KCNK2: variants seen among roughly 807,000 people sequenced by gnomAD.
The protein encoded by KCNK2 is potassium channel subfamily K member 2.
In KCNK2, 21 loss-of-function variants were observed where a neutral mutation model predicts 40.5. That is an observed-to-expected ratio of 0.52 (90% confidence interval 0.37 to 0.75). The LOEUF (loss-of-function observed/expected upper bound fraction) is 0.75, where lower values mean the gene tolerates loss of function less well. KCNK2 is among the 30% of genes least tolerant of loss of function. The pLI, the probability that KCNK2 is intolerant of heterozygous loss-of-function variation, is 0.00. For synonymous variants in KCNK2, 191 were observed against 202.2 expected (o/e 0.94, Z 0.47); for missense variants, 399 against 531.6 (o/e 0.75, Z 2.45).
In KCNK2 at chr1:215,176,501, G is replaced by A. The variant is rs148614025; in HGVS notation, c.823+4318G>A. Among the ~76,000 whole-genome samples the A allele has an allele frequency of 2.5e-3, 378 of 151,922 alleles. 2 individuals carry two copies. Among genetic ancestry groups the A allele is most frequent in the African/African-American group, 8.9e-3 (368 of 41,482 alleles). ...CCTGTTGCTTTCCCACCCCTGCACC[G>A]CTGACAGACCCCAGTGTGTGTTGTT... On this transcript the variant is annotated intron_variant, in intron 5 of 6. Transcript: ENST00000444842.
chr1:215,091,861 C>CGAGGGGA (rs1659706125), intron 2 of KCNK2, among the ~76,000 whole-genome samples: 1 of 151,986 alleles, frequency 6.6e-6, no homozygotes, highest in African/African-American at 2.4e-5. Context: ...AGGTTCTCAC[C>CGAGGGGA]GAGGGGAGAG....
At chr1:215,228,504 A>T (rs897667804) in intron 6 of KCNK2, among the ~76,000 whole-genome samples, 3 of 152,162 alleles carry the variant, frequency 2.0e-5, no homozygotes, top group African/African-American at 7.2e-5. Flanking sequence ...TGTGAAAGTT[A>T]AGAATACATG....
At chr1:215,151,984 A>C (rs1047788420) in intron 3 of KCNK2, among the ~76,000 whole-genome samples, 2 of 152,044 alleles carry the variant, frequency 1.3e-5, no homozygotes, top group Admixed American at 1.3e-4. Context: ...TAAGCATTTG[A>C]TTTATTCATG....
intron 1 of KCNK2, among the ~76,000 whole-genome samples, chr1:215,026,242 A>T (rs748397996): frequency 6.6e-6 from 1 of 152,002 alleles, no homozygotes; most frequent in Admixed American, 6.6e-5. Flanking sequence ...ATATAATTGT[A>T]GCTTTTAAAC....
At chr1:215,013,505 T>A (rs996798150) in intron 1 of KCNK2, among the ~76,000 whole-genome samples, 18 of 152,202 alleles carry the variant, frequency 1.2e-4, no homozygotes, top group African/African-American at 4.1e-4. Flanking sequence ...AATCTGTAGA[T>A]AAATTTGGAA....
At chr1:215,086,823 C>G (rs185650708) in intron 2 of KCNK2, 145 bp downstream of exon 2, 20 of 675,520 alleles carry the variant, frequency 3.0e-5, no homozygotes, top group Admixed American at 2.1e-4. Context: ...AGCTCTTTTC[C>G]CCAGTTTCTT....
chr1:215,115,955 G>GTT (rs35626781), intron 2 of KCNK2, among the ~76,000 whole-genome samples: 5 of 134,070 alleles, frequency 3.7e-5, no homozygotes, highest in African/African-American at 8.3e-5. Context: ...TCTTCATCAT[G>GTT]TTTTTTTTTT....
chr1:215,177,740 A>ATATTTT (rs71167812), intron 5 of KCNK2, among the ~76,000 whole-genome samples: 177 of 101,576 alleles, frequency 1.7e-3, no homozygotes, highest in East Asian at 6.0e-3. Context: ...ATATATATAT[A>ATATTTT]TTTTTTTTTT....
At chr1:215,088,602 G>A (rs569275823) in intron 2 of KCNK2, among the ~76,000 whole-genome samples, 13 of 151,300 alleles carry the variant, frequency 8.6e-5, no homozygotes, top group South Asian at 4.2e-4. Context: ...CATGACCAGC[G>A]TTTCAGGACA....
chr1:215,230,484 C>A (rs868185546), intron 6 of KCNK2, among the ~76,000 whole-genome samples: 2 of 128,954 alleles, frequency 1.6e-5, no homozygotes, highest in Non-Finnish European at 3.2e-5. Flanking sequence ...TATATACACA[C>A]ACACACACAC....
At chr1:215,211,309 G>A (rs1294340382) in intron 6 of KCNK2, among the ~76,000 whole-genome samples, 1 of 152,000 alleles carries the variant, frequency 6.6e-6, no homozygotes, top group Admixed American at 6.6e-5. Context: ...TGCACTGACT[G>A]TTCCCTCTGT....
intron 6 of KCNK2, among the ~76,000 whole-genome samples, chr1:215,234,448 TC>T (rs892400917): frequency 7.9e-5 from 12 of 152,164 alleles, no homozygotes; most frequent in African/African-American, 2.9e-4. Flanking sequence ...CTTTGTACAT[TC>T]CAATACTTCT....
chr1:215,129,052 G>T (rs914969705), intron 3 of KCNK2, among the ~76,000 whole-genome samples: 19 of 152,192 alleles, frequency 1.2e-4, no homozygotes, highest in African/African-American at 3.6e-4. Context: ...TGACTGGGAT[G>T]ATTGGAGTTG....
At chr1:215,032,136 A>G (rs11120470) in intron 1 of KCNK2, among the ~76,000 whole-genome samples, 1 of 149,120 alleles carries the variant, frequency 6.7e-6, no homozygotes, top group Non-Finnish European at 1.5e-5. Context: ...GGGCAGGGAC[A>G]GTGGTTCATA....
chr1:215,214,967 TTCTC>T (rs1415995831), intron 6 of KCNK2, among the ~76,000 whole-genome samples: 1 of 152,216 alleles, frequency 6.6e-6, no homozygotes, highest in Non-Finnish European at 1.5e-5. Context: ...TGCTTTCTCT[TTCTC>T]TGGCAGTTTT....
chr1:215,150,800 T>C (rs2102612540), intron 3 of KCNK2, among the ~76,000 whole-genome samples: 1 of 152,122 alleles, frequency 6.6e-6, no homozygotes, highest in South Asian at 2.1e-4. Flanking sequence ...AGGTATTTAA[T>C]TCCACGCACA....
chr1:215,044,702 C>A (rs12069674), intron 1 of KCNK2, among the ~76,000 whole-genome samples: 2,034 of 151,860 alleles, frequency 0.013, 45 homozygotes, highest in African/African-American at 0.046. Context: ...CAAATTGATA[C>A]CATTTTATGG....
chr1:215,140,967 T>C (rs2363555), intron 3 of KCNK2, among the ~76,000 whole-genome samples: 145,232 of 152,158 alleles, frequency 0.95, 69,672 homozygotes, highest in East Asian at 1. Flanking sequence ...CATTCTTATT[T>C]TATATGCTTT....
upstream of KCNK2, among the ~76,000 whole-genome samples, chr1:215,077,894 C>T (rs1253790789): frequency 6.6e-6 from 1 of 152,162 alleles, no homozygotes. Context: ...GTGCCTTCTT[C>T]TTATGGCTTA....
Sources: allele counts gnomAD v4.1 joint callset (sites outside exome capture counted in the v4.1 genomes callset), GRCh38; gene constraint gnomAD v4.1.1; transcripts MANE v1.5; gene names NCBI Gene and HGNC (gene_info 2026-07-23, HGNC 2026-07-21).